The following ZFP64 variants were observed in gnomAD, a reference collection of about 807,000 sequenced individuals.
ZFP64 encodes the protein ZFP64 zinc finger protein.
ZFP64 carries 14 observed loss-of-function variants against 51.6 expected under a neutral mutation model. The ratio of observed to expected loss-of-function variants is 0.27; its 90% CI spans 0.18 to 0.42. The LOEUF (loss-of-function observed/expected upper bound fraction) is 0.42. ZFP64 is among the 10% of genes least tolerant of loss of function. The probability of loss-of-function intolerance (pLI) is 1.00; values close to 1 mark genes in which losing one functional copy is unlikely to be tolerated. For missense variants in ZFP64, 754 were observed against 906.8 expected (o/e 0.83, Z 2.16); for synonymous variants, 375 against 361.4 (o/e 1.04, Z -0.43).
At chr20:52,104,956 G>A in intron 5 of ZFP64, 1 of 724,910 alleles carries the variant, frequency 1.4e-6, no homozygotes, top group Non-Finnish European at 2.2e-6. Flanking sequence ...CTCCAGGAGA[G>A]TGTAATTTAC....
intron 7 of ZFP64, among the ~76,000 whole-genome samples, chr20:52,094,155 T>C (rs1320509208): frequency 6.6e-6 from 1 of 152,090 alleles, no homozygotes; most frequent in Non-Finnish European, 1.5e-5. Context: ...TGGGGGATAG[T>C]GGCATATATG....
chr20:52,091,236 G>A (rs554101948), intron 7 of ZFP64, among the ~76,000 whole-genome samples: 6 of 151,488 alleles, frequency 4.0e-5, no homozygotes, highest in South Asian at 2.1e-4. Context: ...TGTGGCTCAC[G>A]CCAGTAATCC....
At chr20:52,165,558 G>C in intron 3 of ZFP64, 2 of 557,332 alleles carry the variant, frequency 3.6e-6, no homozygotes, top group South Asian at 1.5e-5. Context: ...AGTAAGGAAA[G>C]AAAATTCTTA....
intron 5 of ZFP64, among the ~76,000 whole-genome samples, chr20:52,144,713 T>C (rs1233393556): frequency 6.6e-6 from 1 of 151,068 alleles, no homozygotes; most frequent in Non-Finnish European, 1.5e-5. Context: ...CTTAGCATAC[T>C]AAGTAGAAGA....
chr20:52,147,745 T>C (rs1366977158), downstream of ZFP64, among the ~76,000 whole-genome samples: 3 of 152,172 alleles, frequency 2.0e-5, no homozygotes, highest in African/African-American at 7.2e-5. Context: ...CCGGGCACCG[T>C]GGCTCACACC....
exon 6 of ZFP64, chr20:52,098,541 A>G: frequency 6.2e-7 from 1 of 1,614,122 alleles, no homozygotes; most frequent in Non-Finnish European, 8.5e-7. Context: ...CAGTGCTTTC[A>G]GTGGAGAGGC....
chr20:52,139,548 C>A (rs976591652), intron 5 of ZFP64, among the ~76,000 whole-genome samples: 3 of 152,082 alleles, frequency 2.0e-5, no homozygotes, highest in African/African-American at 7.2e-5. Flanking sequence ...TTATTGGGTA[C>A]TATGGTCACT....
intron 2 of ZFP64, among the ~76,000 whole-genome samples, chr20:52,185,602 C>T (rs1319891006): frequency 3.5e-5 from 4 of 115,052 alleles, no homozygotes; most frequent in African/African-American, 1.3e-4. Context: ...TTTTTTGAGA[C>T]GAAGTCTGGC....
intron 5 of ZFP64, among the ~76,000 whole-genome samples, chr20:52,138,584 A>T (rs915267720): frequency 2.0e-5 from 3 of 152,102 alleles, no homozygotes; most frequent in African/African-American, 7.2e-5. Flanking sequence ...GAAAAAAAGG[A>T]AAAAATGACA....
At chr20:52,093,203 C>G (rs975955322) in intron 7 of ZFP64, among the ~76,000 whole-genome samples, 2 of 151,924 alleles carry the variant, frequency 1.3e-5, no homozygotes. Flanking sequence ...TGCAGTGGCA[C>G]GATTTTGGTT....
chr20:52,113,202 C>T (rs1264388332), intron 5 of ZFP64, among the ~76,000 whole-genome samples: 3 of 150,046 alleles, frequency 2.0e-5, no homozygotes, highest in South Asian at 4.5e-4. Flanking sequence ...GGCGTGGTGG[C>T]GGGTGCCTGT....
At chr20:52,180,052 G>C (rs1254198593) in intron 2 of ZFP64, among the ~76,000 whole-genome samples, 1 of 152,192 alleles carries the variant, frequency 6.6e-6, no homozygotes, top group African/African-American at 2.4e-5. Flanking sequence ...TATTGTTTTT[G>C]TCTTGCCCAC....
intron 5 of ZFP64, among the ~76,000 whole-genome samples, chr20:52,098,964 T>C (rs1380165246): frequency 1.4e-5 from 2 of 142,606 alleles, no homozygotes; most frequent in Admixed American, 1.5e-4. Context: ...ATCATGCCAC[T>C]GCACTCCAGC....
At chr20:52,128,519 T>G (rs1480239967) in intron 5 of ZFP64, among the ~76,000 whole-genome samples, 2 of 152,212 alleles carry the variant, frequency 1.3e-5, no homozygotes, top group East Asian at 3.8e-4. Context: ...TTGATAAAGA[T>G]GGACACATTT....
At chr20:52,116,724 G>T (rs781767946) in intron 5 of ZFP64, among the ~76,000 whole-genome samples, 7 of 151,980 alleles carry the variant, frequency 4.6e-5, no homozygotes, top group Admixed American at 6.6e-5. Flanking sequence ...AGCATAATTT[G>T]CATTATGCAT....
exon 9 of ZFP64, chr20:52,084,767 C>T (rs1291722435): frequency 1.2e-6 from 2 of 1,614,224 alleles, no homozygotes; most frequent in Non-Finnish European, 8.5e-7. Context: ...AGGCCCTCTG[C>T]GTCACGATCT....
At chr20:52,132,113 C>T (rs1979750981) in intron 5 of ZFP64, among the ~76,000 whole-genome samples, 1 of 152,054 alleles carries the variant, frequency 6.6e-6, no homozygotes, top group African/African-American at 2.4e-5. Context: ...CAACATGCTC[C>T]TGAATGACCA....
intron 7 of ZFP64, among the ~76,000 whole-genome samples, chr20:52,090,103 A>G (rs934578809): frequency 6.6e-6 from 1 of 152,200 alleles, no homozygotes; most frequent in Non-Finnish European, 1.5e-5. Context: ...CCAGGATAGA[A>G]CTGAGAAGAA....
At chr20:52,132,002 A>T (rs6096782) in intron 5 of ZFP64, among the ~76,000 whole-genome samples, 1 of 152,110 alleles carries the variant, frequency 6.6e-6, no homozygotes, top group Non-Finnish European at 1.5e-5. Flanking sequence ...TTGAAAAAAA[A>T]CTGATGTAAT....
Sources: gnomAD v4.1 joint callset for allele counts (sites outside exome capture counted in the v4.1 genomes callset) on GRCh38, gnomAD v4.1.1 for gene constraint, MANE v1.5 for transcripts, NCBI Gene and HGNC (gene_info 2026-07-23, HGNC 2026-07-21) for gene names.